Variants in CBARP observed in about 807,000 individuals in gnomAD.
CBARP encodes the protein CACN subunit beta associated regulatory protein.
A neutral mutation model predicts 36.3 loss-of-function variants in CBARP; 24 were observed. The observed-to-expected ratio is 0.66, with a 90% CI of 0.48 to 0.93. The LOEUF is 0.93. CBARP is among the 40% of genes least tolerant of loss of function. The pLI, the probability that CBARP is intolerant of heterozygous loss-of-function variation, is 0.00. For synonymous variants in CBARP, 586 were observed against 453.2 expected (o/e 1.29, Z -3.72); for missense variants, 1,146 against 980.4 (o/e 1.17, Z -2.26).
Position 1,229,289 on chromosome 19 carries a change from C to A in CBARP, c.2008G>T (p.Ala670Ser). 4.4e-5 allele frequency: 56 copies of A among 1,259,294 alleles called. No individual in the cohort carries two copies. Among genetic ancestry groups the A allele is most frequent in the Non-Finnish European group, 5.7e-5 (56 of 978,210 alleles). The allele number at this position is 1,259,294 out of a possible 1,614,324, so 78.0% of individuals were successfully genotyped here. ...AAGAGTCTCTCGTCGAGGCCAGCCG[C>A]CAGCTTGTCCAGCACCGACCCGGAT... ...LPSGSVLDKL[A>S]AGLDERLFPP... Residue 670 changes from alanine to serine, a missense_variant, in exon 10 of 10, where the codon GCG becomes TCG. Coordinates refer to ENST00000650044, the MANE Select transcript of CBARP (RefSeq NM_001393918.1). This position sits in a 1 kb window ranked among gnomAD's most constrained non-coding sequence, Gnocchi z 5.1.
intron 1 of CBARP, among the ~76,000 whole-genome samples, chr19:1,236,477 C>T (rs2080975196): frequency 6.6e-6 from 1 of 152,160 alleles, no homozygotes; most frequent in South Asian, 2.1e-4. Flanking sequence ...ATGGGGACGC[C>T]AAGGCGGTGC....
chr19:1,229,203 C>A lies in CBARP; in HGVS notation c.2094G>T (p.Thr698=). 1 of 1,195,102 alleles carries A rather than the reference C, an allele frequency of 8.4e-7. No individual in the cohort carries two copies. The highest frequency in any genetic ancestry group is 1.1e-6 in the Non-Finnish European group (1 of 941,948). The allele number at this position is 1,195,102 out of a possible 1,614,324, so 74.0% of individuals were successfully genotyped here. A position where few individuals can be genotyped will look rare whatever the true frequency, so the allele number is the denominator to read the frequency against. ...ATPALVAAAP[T]SPDHSPA is the part of the protein sequence containing the mutation. ...CTTAGGCCGGGCTGTGGTCGGGGGACGTGGGGGCGGCGGCGACCAACGCGG... is the reference window on the plus strand; with the variant it reads ...CTTAGGCCGGGCTGTGGTCGGGGGAAGTGGGGGCGGCGGCGACCAACGCGG... The change falls in exon 10 of 10, where the codon ACG becomes ACT. Residue 698 remains threonine (T), a synonymous_variant. Transcript: ENST00000650044. The surrounding 1 kb of genome is among the most constrained non-coding windows in gnomAD (Gnocchi z 5.1).
intron 9 of CBARP, chr19:1,230,536 C>G (rs928934597): frequency 2.0e-5 from 21 of 1,049,540 alleles, no homozygotes; most frequent in Non-Finnish European, 2.1e-5. Context: ...GGGCTCTCTG[C>G]CCACCCATGC....
rs780788140 is a variant in CBARP, at chr19:1,235,804, A to C, written c.220T>G (p.Trp74Gly). ...SGVLLLCKRC[W>G]DVHQRLNRAM... The stretch of plus-strand genomic sequence containing the variant: ...CTGTTGAGGCGCTGGTGGACGTCCC[A>C]GCAGCGCTTGCAGAGGAGCAGGACG... Residue 74 changes from tryptophan (W) to glycine (G), a missense_variant, in exon 3 of 10, where the codon TGG (tryptophan) becomes GGG (glycine). Physicochemically the swap from Trp to Gly is radical, Grantham distance 184. Coordinates refer to ENST00000650044, the MANE Select transcript of CBARP (RefSeq NM_001393918.1). 6 of 1,609,132 alleles carry C rather than the reference A, an allele frequency of 3.7e-6. No homozygotes were observed. The Admixed American group carries it at 1.0e-4, about 27-fold the overall frequency.
chr19:1,235,495 C>A lies in CBARP; in HGVS notation c.310+6G>T, dbSNP rs766467196. The A allele has an allele frequency of 1.9e-6, 3 of 1,584,134 alleles. No homozygotes were observed. The highest frequency in any genetic ancestry group is 3.8e-5 in the Admixed American group (2 of 53,318). On this transcript the variant is annotated splice_donor_region_variant and intron_variant, in intron 4 of 9. Coordinates refer to ENST00000650044, the MANE Select transcript of CBARP (RefSeq NM_001393918.1). ...GAGCGCACAGCCAGGCTGGCCAGCA[C>A]CTCACCTTGGGCTGGGTGGGTGCCG...
At chr19:1,231,384 C>A in intron 8 of CBARP, 109 bp from the exon 9 acceptor site, 1 of 1,393,178 alleles carries the variant, frequency 7.2e-7, no homozygotes, top group Non-Finnish European at 9.5e-7. Flanking sequence ...GCCTGTGCCC[C>A]CCCGCCACAC....
At chr19:1,235,954 C>A (rs957007489) in intron 2 of CBARP, 36 bp from the exon 3 acceptor site, 2 of 1,591,630 alleles carry the variant, frequency 1.3e-6, no homozygotes, top group Non-Finnish European at 1.7e-6. Flanking sequence ...TGCTGCTGGC[C>A]TGGACGACCT....
intron 8 of CBARP, among the ~76,000 whole-genome samples, chr19:1,231,477 C>T (rs537822393): frequency 1.9e-5 from 2 of 106,596 alleles, no homozygotes; most frequent in South Asian, 7.3e-4. Context: ...ACACACAGAA[C>T]GCCTGTGGCC....
intron 8 of CBARP, 126 bp from the exon 9 acceptor site, chr19:1,231,401 C>T (rs2080890973): frequency 4.4e-6 from 6 of 1,358,182 alleles, no homozygotes; most frequent in Non-Finnish European, 5.8e-6. Context: ...ACACACAACG[C>T]CTGTGGACCC....
chr19:1,231,746 TCAGGTGGGTGCGGA>T (rs1042369850), intron 8 of CBARP, among the ~76,000 whole-genome samples: 17 of 150,684 alleles, frequency 1.1e-4, no homozygotes, highest in African/African-American at 4.2e-4. Context: ...TCTCCCCGGG[TCAGGTGGGTGCGGA>T]CAGTGGCTGT....
chr19:1,233,087 C>CCT, intron 8 of CBARP, among the ~76,000 whole-genome samples: 1 of 152,370 alleles, frequency 6.6e-6, no homozygotes, highest in South Asian at 2.1e-4. Context: ...CAGGCCCCAC[C>CCT]CTCTGCGCTC....
At position 1,234,194 on chromosome 19, in the gene CBARP, G is replaced by T; in HGVS notation, c.765C>A (p.Thr255=). The T allele has an allele frequency of 6.6e-7, 1 of 1,519,220 alleles. No individual in the cohort carries two copies. The highest frequency in any genetic ancestry group is 8.8e-7 in the Non-Finnish European group (1 of 1,138,512). 94.1% of individuals were successfully genotyped at this position (1,519,220 alleles called of 1,614,324 possible). Residue 255 remains threonine (T), a synonymous_variant, in exon 7 of 10, where the codon ACC becomes ACA. Transcript: ENST00000650044. ...PSASSDSGEG[T]SLDAGTRSTK... The stretch of plus-strand genomic sequence containing the variant: ...GGGGACACGCAGGGGCCCTCACCGA[G>T]GTGCCTTCCCCAGAGTCGCTAGATG...
Position 1,231,275 on chromosome 19 carries a change from C to T in CBARP, c.980G>A (p.Gly327Asp). Residue 327 changes from glycine (G) to aspartate (D), a missense_variant and splice_region_variant, in exon 9 of 10, where the codon GGT (glycine) becomes GAT (aspartate). Transcript: ENST00000650044. Reference protein sequence around the residue: ...SQRAASLDTRGSPKRHHFQRQ... With the variant: ...SQRAASLDTRDSPKRHHFQRQ... ...CTGGAAGTGGTGCCGCTTGGGGGAACCTGCGCACGGGATGTGCCGTAAGCG... is the reference window on the plus strand; with the variant it reads ...CTGGAAGTGGTGCCGCTTGGGGGAATCTGCGCACGGGATGTGCCGTAAGCG... 6.3e-7 allele frequency: 1 copy of T among 1,599,728 alleles called. No homozygotes were observed. The highest frequency in any genetic ancestry group is 8.5e-7 in the Non-Finnish European group (1 of 1,179,252).
Position 1,235,761 on chromosome 19 carries a change from G to A in CBARP, c.245+18C>T, listed in dbSNP as rs370930797. On this transcript the variant is annotated intron_variant, in intron 3 of 9. Coordinates refer to ENST00000650044, the MANE Select transcript of CBARP (RefSeq NM_001393918.1). The stretch of plus-strand genomic sequence containing the variant: ...ACAACCACCATGCACCTGCCCAGCC[G>A]AGGTGGGGGCCTCGCACCTGTTGAG... 34 of 1,606,282 alleles carry A rather than the reference G, an allele frequency of 2.1e-5. No homozygotes were observed. Among genetic ancestry groups the A allele is most frequent in the South Asian group, 3.3e-5 (3 of 91,070 alleles).
intron 5 of CBARP, 78 bp downstream of exon 5, chr19:1,234,923 G>T: frequency 6.5e-7 from 1 of 1,531,660 alleles, no homozygotes. Context: ...TGCAGCCTCC[G>T]CACCCAGCTC....
At chr19:1,234,092 T>C in intron 7 of CBARP, 99 bp downstream of exon 7, 1 of 1,334,318 alleles carries the variant, frequency 7.5e-7, no homozygotes. Context: ...CTGCGGTGGC[T>C]GGCAGGTCAT....
At position 1,234,600 on chromosome 19, in the gene CBARP, A is replaced by G; in HGVS notation, c.598T>C (p.Ser200Pro). The G allele has an allele frequency of 6.2e-7, 1 of 1,607,802 alleles. No individual in the cohort carries two copies. The highest frequency in any genetic ancestry group is 8.5e-7 in the Non-Finnish European group (1 of 1,177,924). Reference sequence around the variant, plus strand: ...AAGATGGCCAGAGTGGCCTTGGGAGAGGTGGCCGGGTGGGGCGTGGTGGCT... The same window carrying G: ...AAGATGGCCAGAGTGGCCTTGGGAGGGGTGGCCGGGTGGGGCGTGGTGGCT... ...SSATTPHPAT[S>P]PKATLAIFQP... Residue 200 changes from serine (S) to proline (P), a missense_variant, in exon 6 of 10, where the codon TCT becomes CCT. Transcript: ENST00000650044.
rs1455440498 is a variant in CBARP at position 1,229,972 on chromosome 19, G to C, written c.1325C>G (p.Ala442Gly). The change falls in exon 10 of 10, where the codon GCC becomes GGC. Residue 442 changes from alanine to glycine, a missense_variant. By Grantham distance (60) the Ala-to-Gly change is moderately conservative. Transcript: ENST00000650044. This position sits in a 1 kb window ranked among gnomAD's most constrained non-coding sequence, Gnocchi z 5.1. ...TSYRDLWSLR[A>G]SLELHAAASD... The stretch of plus-strand genomic sequence containing the variant: ...GGCGGCCGCATGCAGCTCAAGCGAG[G>C]CGCGCAGGCTCCACAGGTCGCGGTA... The C allele has an allele frequency of 8.2e-7, 1 of 1,218,454 alleles. No individual in the cohort carries two copies. The allele number at this position is 1,218,454 out of a possible 1,614,324, so 75.5% of individuals were successfully genotyped here.
rs1231796102 is a variant in CBARP, at chr19:1,229,644, G to A, written c.1653C>T (p.His551=). 4 of 1,195,488 alleles carry A rather than the reference G, an allele frequency of 3.3e-6. No homozygotes were observed. Among genetic ancestry groups the A allele is most frequent in the East Asian group, 9.6e-5 (1 of 10,422 alleles). The allele number at this position is 1,195,488 out of a possible 1,614,324, so 74.1% of individuals were successfully genotyped here. A position where few individuals can be genotyped will look rare whatever the true frequency, so the allele number is the denominator to read the frequency against. The change falls in exon 10 of 10, where the codon CAC becomes CAT. Residue 551 remains histidine (H), a synonymous_variant. Coordinates refer to ENST00000650044, the MANE Select transcript of CBARP (RefSeq NM_001393918.1). This position sits in a 1 kb window ranked among gnomAD's most constrained non-coding sequence, Gnocchi z 5.1. ...AGTGCGGGTCGTGGCGCAGGAACTCGTGGAACAGCGCGTCCGTCTTCTCGT... is the reference window on the plus strand; with the variant it reads ...AGTGCGGGTCGTGGCGCAGGAACTCATGGAACAGCGCGTCCGTCTTCTCGT... The part of the protein sequence containing the change: ...SIDEKTDALF[H]EFLRHDPHFD...
Sources: allele counts gnomAD v4.1 joint callset (sites outside exome capture counted in the v4.1 genomes callset), GRCh38; gene constraint gnomAD v4.1.1; non-coding constraint Gnocchi (gnomAD v3.1); transcripts MANE v1.5; gene names NCBI Gene and HGNC (gene_info 2026-07-23, HGNC 2026-07-21).